The following DCC variants were observed in gnomAD, a reference collection of about 807,000 sequenced individuals.
DCC encodes the protein netrin receptor DCC.
Under a neutral mutation model 172.5 loss-of-function variants are expected in DCC, and 58 were observed. The ratio of observed to expected loss-of-function variants is 0.34; its 90% confidence interval spans 0.27 to 0.42. DCC has a LOEUF of 0.42. Among genes scored for constraint, DCC ranks in the 10% least tolerant of loss-of-function variants. The pLI is 1.00. For missense variants in DCC, 1,740 were observed against 1,791.0 expected, an observed-to-expected ratio of 0.97 and a Z score of 0.51; for synonymous variants, 709 against 644.5, an observed-to-expected ratio of 1.10 and a Z score of -1.52.
At chr18:52,393,001 G>C (rs1986086912) in intron 1 of DCC, among the ~76,000 whole-genome samples, 1 of 151,984 alleles carries the variant, frequency 6.6e-6, no homozygotes, top group Admixed American at 6.6e-5. Context: ...ATTCCTCTGT[G>C]GTGAAGCCAG....
chr18:52,790,432 A>G (rs1189972592), intron 2 of DCC, among the ~76,000 whole-genome samples: 1 of 152,172 alleles, frequency 6.6e-6, no homozygotes, highest in East Asian at 1.9e-4. Context: ...TTGCATGGGA[A>G]GAGAGAGGCC....
At chr18:52,454,586 G>T (rs940044808) in intron 1 of DCC, among the ~76,000 whole-genome samples, 1 of 151,962 alleles carries the variant, frequency 6.6e-6, no homozygotes, top group African/African-American at 2.4e-5. Flanking sequence ...TCAGCTTACG[G>T]TATTAACATA....
intron 1 of DCC, among the ~76,000 whole-genome samples, chr18:52,628,080 C>T (rs990215236): frequency 6.6e-5 from 10 of 152,112 alleles, no homozygotes; most frequent in East Asian, 5.8e-4. Flanking sequence ...TTACCCTTTC[C>T]AATTCTCATT....
intron 2 of DCC, among the ~76,000 whole-genome samples, chr18:52,893,708 G>T (rs189780438): frequency 1.2e-4 from 19 of 152,162 alleles, no homozygotes; most frequent in Admixed American, 1.0e-3. Flanking sequence ...AGCACAAGTT[G>T]TTACATAACA....
intron 1 of DCC, among the ~76,000 whole-genome samples, chr18:52,377,424 A>T (rs1386637558): frequency 1.3e-5 from 2 of 152,160 alleles, no homozygotes; most frequent in African/African-American, 4.8e-5. Context: ...TTTGCTCATG[A>T]ATCTCCAAGA....
chr18:53,240,682 T>G (rs921173350), intron 12 of DCC, among the ~76,000 whole-genome samples: 9 of 152,184 alleles, frequency 5.9e-5, no homozygotes, highest in Non-Finnish European at 1.3e-4. Context: ...CTCATGAGAT[T>G]GTCGTTGGGA....
At chr18:52,588,828 C>A (rs1273744952) in intron 1 of DCC, among the ~76,000 whole-genome samples, 4 of 151,710 alleles carry the variant, frequency 2.6e-5, no homozygotes, top group African/African-American at 9.7e-5. Context: ...AGTGAGAAGC[C>A]ATTAAAGAGC....
chr18:52,872,330 AT>A (rs1265015782), intron 2 of DCC, among the ~76,000 whole-genome samples: 1 of 152,142 alleles, frequency 6.6e-6, no homozygotes, highest in Non-Finnish European at 1.5e-5. Context: ...AGAATCGACA[AT>A]GGTGAATGTT....
chr18:53,044,040 G>C (rs1383361006), intron 5 of DCC, among the ~76,000 whole-genome samples: 1 of 151,842 alleles, frequency 6.6e-6, no homozygotes, highest in South Asian at 2.1e-4. Flanking sequence ...TAAAGAGTTC[G>C]ATATTACTGT....
intron 1 of DCC, among the ~76,000 whole-genome samples, chr18:52,589,852 G>A (rs961310881): frequency 6.6e-5 from 10 of 152,146 alleles, no homozygotes; most frequent in African/African-American, 2.2e-4. Flanking sequence ...ACATAGATAA[G>A]TTCTGAGATA....
intron 1 of DCC, among the ~76,000 whole-genome samples, chr18:52,381,993 G>T (rs1246605514): frequency 6.6e-6 from 1 of 152,090 alleles, no homozygotes; most frequent in Non-Finnish European, 1.5e-5. Flanking sequence ...AAATAATGCT[G>T]CCTCTTAGTT....
Position 53,390,594 on chromosome 18 carries a change from T to G in DCC, c.2456-1061T>G, listed in dbSNP as rs1425025759. Among the ~76,000 whole-genome samples the G allele has an allele frequency of 2.0e-5, 3 of 152,202 alleles. No homozygotes were observed. In the East Asian group the frequency reaches 5.8e-4, roughly 29 times the overall value. On this transcript the variant is annotated intron_variant, in intron 16 of 28. Transcript: ENST00000442544. ...GAATATGCACTACATAATATAAAGA[T>G]TTTTTAAGTGTAAATGTCTTAAGTA... is the stretch of plus-strand genomic sequence containing the variant.
intron 1 of DCC, among the ~76,000 whole-genome samples, chr18:52,582,353 T>A (rs542965529): frequency 7.1e-4 from 108 of 152,304 alleles, no homozygotes; most frequent in South Asian, 1.2e-3. Context: ...CACGCACAAT[T>A]TCTCTCATGC....
At chr18:52,731,200 A>G (rs1271310257) in intron 1 of DCC, among the ~76,000 whole-genome samples, 1 of 152,208 alleles carries the variant, frequency 6.6e-6, no homozygotes. Context: ...TATCCTAGAC[A>G]CTGTGTAATT....
chr18:52,714,427 T>C (rs1323888585), intron 1 of DCC, among the ~76,000 whole-genome samples: 1 of 152,186 alleles, frequency 6.6e-6, no homozygotes, highest in African/African-American at 2.4e-5. Context: ...TTTAGGGTAG[T>C]AGAACTTTTG....
In DCC at chr18:53,530,831, G is replaced by A; in HGVS notation, c.*178G>A. 1 of 668,986 alleles carries A rather than the reference G, an allele frequency of 1.5e-6. No individual in the cohort carries two copies. The highest frequency in any genetic ancestry group is 1.6e-5 in the South Asian group (1 of 62,812). 41.4% of individuals were successfully genotyped at this position (668,986 alleles called of 1,614,324 possible). A position where few individuals can be genotyped will look rare whatever the true frequency, so the allele number is the denominator to read the frequency against. The stretch of plus-strand genomic sequence containing the variant: ...AGGAATAAGCATTCCTTCTTTCACA[G>A]GCATCAGGAATTGTCAAATGATGAT... On this transcript the variant is annotated 3_prime_UTR_variant, in exon 29 of 29. Transcript: ENST00000442544.
At chr18:53,043,316 GT>G (rs1397989549) in intron 5 of DCC, among the ~76,000 whole-genome samples, 2 of 144,762 alleles carry the variant, frequency 1.4e-5, no homozygotes, top group South Asian at 4.4e-4. Flanking sequence ...CCTGCTGGGG[GT>G]TGGGGGGCAA....
At chr18:53,055,983 G>A (rs937876422) in intron 5 of DCC, among the ~76,000 whole-genome samples, 2 of 152,042 alleles carry the variant, frequency 1.3e-5, no homozygotes, top group Admixed American at 6.6e-5. Flanking sequence ...TAGAAATACC[G>A]TTACCTAGAA....
chr18:52,872,956 A>C (rs1385040410), intron 2 of DCC, among the ~76,000 whole-genome samples: 1 of 152,224 alleles, frequency 6.6e-6, no homozygotes, highest in African/African-American at 2.4e-5. Flanking sequence ...TTCACAGACG[A>C]ACTAATGAAA....
Sources: allele counts gnomAD v4.1 joint callset (sites outside exome capture counted in the v4.1 genomes callset), GRCh38; gene constraint gnomAD v4.1.1; transcripts MANE v1.5; gene names NCBI Gene and HGNC (gene_info 2026-07-23, HGNC 2026-07-21).